Variants in PLS1 observed in about 807,000 individuals in gnomAD.
PLS1 encodes plastin 1, also known as plastin-1.
PLS1 carries 32 observed loss-of-function variants against 73.7 expected under a neutral mutation model. That is an observed-to-expected ratio of 0.43 (90% CI 0.33 to 0.58). The LOEUF (loss-of-function observed/expected upper bound fraction) is 0.58, where lower values mean the gene tolerates loss of function less well. Among genes scored for constraint, PLS1 ranks in the 20% least tolerant of loss-of-function variants. The pLI, the probability that PLS1 is intolerant of heterozygous loss-of-function variation, is 0.04. For synonymous variants in PLS1, 217 were observed against 261.3 expected (o/e 0.83, Z 1.63); for missense variants, 633 against 740.5 (o/e 0.85, Z 1.68).
rs180807457 is a variant in PLS1, at chr3:142,618,713, C to A, written c.-37+22204C>A. ...TCATAGCCAGCGACAGTCGGTAAAGCCCCTCTCATACTTTGAATCTTTCCT... is the reference window on the plus strand; with the variant it reads ...TCATAGCCAGCGACAGTCGGTAAAGACCCTCTCATACTTTGAATCTTTCCT... On this transcript the variant is annotated intron_variant, in intron 1 of 15. Transcript: ENST00000457734. Among the ~76,000 whole-genome samples the A allele has an allele frequency of 9.6e-4, 146 of 152,246 alleles. 1 individual carries two copies. The highest frequency in any genetic ancestry group is 2.7e-3 in the Admixed American group (41 of 15,286).
At chr3:142,672,159 C>G (rs931355973) in intron 4 of PLS1, among the ~76,000 whole-genome samples, 5 of 152,038 alleles carry the variant, frequency 3.3e-5, no homozygotes, top group African/African-American at 1.2e-4. Context: ...TATATACATT[C>G]ATGTAGCTGC....
intron 6 of PLS1, among the ~76,000 whole-genome samples, chr3:142,683,650 T>C (rs1359267103): frequency 6.6e-6 from 1 of 152,216 alleles, no homozygotes; most frequent in Non-Finnish European, 1.5e-5. Context: ...TAAAACCTAA[T>C]TGTACATCAT....
chr3:142,679,933 A>G (rs1237452073), intron 6 of PLS1, among the ~76,000 whole-genome samples: 1 of 151,752 alleles, frequency 6.6e-6, no homozygotes, highest in African/African-American at 2.4e-5. Flanking sequence ...ATTTGTTTGT[A>G]TCCTCTTTTA....
At chr3:142,705,864 C>G (rs899118640) in intron 14 of PLS1, among the ~76,000 whole-genome samples, 19 of 152,284 alleles carry the variant, frequency 1.2e-4, no homozygotes, top group African/African-American at 2.2e-4. Context: ...TTCCACCCCC[C>G]CTTTTCTATC....
chr3:142,654,109 T>C (rs2037164513), intron 1 of PLS1, among the ~76,000 whole-genome samples: 1 of 152,108 alleles, frequency 6.6e-6, no homozygotes. Context: ...AAATTGCAAA[T>C]GCATGGGAAT....
At chr3:142,700,009 G>A (rs1368392996) in intron 12 of PLS1, among the ~76,000 whole-genome samples, 4 of 152,094 alleles carry the variant, frequency 2.6e-5, no homozygotes, top group African/African-American at 9.7e-5. Flanking sequence ...AATGCAAAAT[G>A]TAACAGGAAA....
intron 14 of PLS1, among the ~76,000 whole-genome samples, chr3:142,705,803 A>G (rs2038448536): frequency 6.6e-6 from 1 of 152,240 alleles, no homozygotes; most frequent in East Asian, 1.9e-4. Context: ...CGGTTTTAAC[A>G]GGACAGCTGG....
chr3:142,708,402 A>T (rs1390829502), intron 14 of PLS1, among the ~76,000 whole-genome samples: 1 of 152,046 alleles, frequency 6.6e-6, no homozygotes. Context: ...GCCCGCCATC[A>T]CGCCCAATTA....
chr3:142,625,416 G>C (rs990185767), intron 1 of PLS1, among the ~76,000 whole-genome samples: 1 of 151,802 alleles, frequency 6.6e-6, no homozygotes, highest in Non-Finnish European at 1.5e-5. Flanking sequence ...CTCAGTTCTC[G>C]GTATTACAGG....
chr3:142,630,280 G>T (rs1164862967), intron 1 of PLS1, among the ~76,000 whole-genome samples: 4 of 151,790 alleles, frequency 2.6e-5, no homozygotes, highest in Non-Finnish European at 5.9e-5. Flanking sequence ...AACTATCGGG[G>T]CGTGGTGGCA....
chr3:142,687,364 T>G (rs758874760), intron 9 of PLS1, among the ~76,000 whole-genome samples: 4 of 152,176 alleles, frequency 2.6e-5, no homozygotes, highest in Non-Finnish European at 5.9e-5. Flanking sequence ...ACATTAAAAT[T>G]TGGTCAGATA....
chr3:142,654,128 C>T (rs1012851817), intron 1 of PLS1, among the ~76,000 whole-genome samples: 2 of 152,024 alleles, frequency 1.3e-5, no homozygotes, highest in Admixed American at 1.3e-4. Flanking sequence ...ATATAATGAC[C>T]GTGGCTGGTC....
rs1165513083 is a variant in PLS1 at position 142,596,421 on chromosome 3, C to G, written c.-125C>G. ...GGCGCGAGCGCAGCGGCTACGCGGGCGCGGAGAGGTAGCCGCAGAGTGGAC... is the reference window on the plus strand; with the variant it reads ...GGCGCGAGCGCAGCGGCTACGCGGGGGCGGAGAGGTAGCCGCAGAGTGGAC... On this transcript the variant is annotated 5_prime_UTR_variant, in exon 1 of 16. Transcript: ENST00000457734. The G allele has an allele frequency of 1.3e-5, 2 of 152,300 alleles. No homozygotes were observed. The highest frequency in any genetic ancestry group is 2.9e-5 in the Non-Finnish European group (2 of 68,120). 9.4% of individuals were successfully genotyped at this position (152,300 alleles called of 1,614,324 possible).
At chr3:142,645,897 G>T (rs1313534102) in intron 1 of PLS1, among the ~76,000 whole-genome samples, 1 of 152,052 alleles carries the variant, frequency 6.6e-6, no homozygotes. Flanking sequence ...CTTCACCCTG[G>T]CAGTTCTGTA....
intron 1 of PLS1, among the ~76,000 whole-genome samples, chr3:142,626,417 CA>C (rs1461087791): frequency 5.9e-5 from 9 of 151,982 alleles, no homozygotes; most frequent in African/African-American, 2.2e-4. Flanking sequence ...TTCATCCTGG[CA>C]GCCAAACATA....
At chr3:142,710,382 G>A (rs920761210) in intron 14 of PLS1, among the ~76,000 whole-genome samples, 3 of 152,060 alleles carry the variant, frequency 2.0e-5, no homozygotes, top group African/African-American at 7.2e-5. Context: ...ATTTGGCTTA[G>A]ACCAGTGTTT....
chr3:142,636,611 A>G (rs2036698202), intron 1 of PLS1, among the ~76,000 whole-genome samples: 1 of 152,240 alleles, frequency 6.6e-6, no homozygotes, highest in Non-Finnish European at 1.5e-5. Flanking sequence ...CTAGCATTTC[A>G]AATAAGCTAT....
At chr3:142,648,533 T>TTG (rs747685218) in intron 1 of PLS1, among the ~76,000 whole-genome samples, 3 of 152,202 alleles carry the variant, frequency 2.0e-5, no homozygotes, top group Non-Finnish European at 4.4e-5. Context: ...ATTGGGCAGC[T>TTG]TGTGTGATTA....
intron 1 of PLS1, among the ~76,000 whole-genome samples, chr3:142,613,244 A>G (rs1209720063): frequency 6.6e-6 from 1 of 152,106 alleles, no homozygotes; most frequent in Non-Finnish European, 1.5e-5. Context: ...TTGAGATGCC[A>G]AGGAGGGCAG....
Sources: allele counts gnomAD v4.1 joint callset (sites outside exome capture counted in the v4.1 genomes callset), GRCh38; gene constraint gnomAD v4.1.1; transcripts MANE v1.5; gene names NCBI Gene and HGNC (gene_info 2026-07-23, HGNC 2026-07-21).